C19orf67: variants seen among roughly 807,000 people sequenced by gnomAD.
C19orf67 encodes the protein UPF0575 protein C19orf67.
A neutral mutation model predicts 41.4 loss-of-function variants in C19orf67; 28 were observed. The observed-to-expected ratio is 0.68, with a 90% CI of 0.50 to 0.93. The LOEUF (loss-of-function observed/expected upper bound fraction) is 0.93, where lower values mean the gene tolerates loss of function less well. Among genes scored for constraint, C19orf67 ranks in the 40% least tolerant of loss-of-function variants. C19orf67 has a pLI of 0.00. For synonymous variants in C19orf67, 242 were observed against 203.4 expected (o/e 1.19, Z -1.62); for missense variants, 421 against 467.0 (o/e 0.90, Z 0.91).
chr19:14,082,048 A>G (rs1200077555), intron 5 of C19orf67, 40 bp from the exon 6 acceptor site: 9 of 1,429,902 alleles, frequency 6.3e-6, no homozygotes, highest in Non-Finnish European at 8.3e-6. Context: ...CCTGGACTTG[A>G]GTGCCCCCTG....
At chr19:14,085,243 C>T in intron 1 of C19orf67, 50 bp downstream of exon 1, 1 of 1,474,760 alleles carries the variant, frequency 6.8e-7, no homozygotes, top group Non-Finnish European at 9.2e-7. Flanking sequence ...CTGTCGCCTC[C>T]CCTCCAAGTC....
At chr19:14,084,603 C>T (rs1976825061) in intron 1 of C19orf67, among the ~76,000 whole-genome samples, 2 of 151,984 alleles carry the variant, frequency 1.3e-5, no homozygotes, top group South Asian at 2.1e-4. Context: ...GAGGCCAAGG[C>T]GGGTGGATCA....
rs1976842041 is a variant in C19orf67, at chr19:14,085,489, A to G, written c.139T>C (p.Ser47Pro). The G allele has an allele frequency of 6.5e-7, 1 of 1,535,324 alleles. No homozygotes were observed. Among genetic ancestry groups the G allele is most frequent in the African/African-American group, 1.4e-5 (1 of 73,002 alleles). Residue 47 changes from serine (S) to proline (P), a missense_variant, in exon 1 of 6, where the codon TCT (serine) becomes CCT (proline). Physicochemically the swap from Ser to Pro is moderately conservative, Grantham distance 74 (BLOSUM62 -1). Transcript: ENST00000548523. ...STPPGRPGNP[S>P]EPDPEDAEGR... is the part of the protein sequence containing the mutation. ...TCGGCATCTTCAGGATCCGGCTCAG[A>G]TGGGTTCCCAGGCCTGCCAGGGGGC...
chr19:14,081,782 T>TA lies in C19orf67; in HGVS notation c.*51dup. On this transcript the variant is annotated 3_prime_UTR_variant, in exon 6 of 6. Transcript: ENST00000548523. ...ACGAGTGAGCCCCTCCCCTGCCCCC[T>TA]ATTCTGGAGTTTGGAACTGTCAAGT... 1 of 1,303,886 alleles carries TA rather than the reference T, an allele frequency of 7.7e-7. No homozygotes were observed. The highest frequency in any genetic ancestry group is 1.5e-5 in the African/African-American group (1 of 65,574). The allele number at this position is 1,303,886 out of a possible 1,614,324, so 80.8% of individuals were successfully genotyped here.
In C19orf67 at chr19:14,085,616, C is replaced by A; in HGVS notation, c.12G>T (p.Glu4Asp). ...GGGGGAGCGACCCCTCGAACCACTG[C>A]TCTGTAGCCATGGTAGGGCCGGGGG... is the stretch of plus-strand genomic sequence containing the variant. MATEQWFEGSLPLD... is the reference protein window; with the variant it reads MATDQWFEGSLPLD... The change falls in exon 1 of 6, where the codon GAG becomes GAT. Residue 4 changes from glutamate to aspartate, a missense_variant. Glu to Asp is a conservative substitution (Grantham distance 45). Coordinates refer to ENST00000548523, the MANE Select transcript of C19orf67 (RefSeq NM_001277378.2). The A allele has an allele frequency of 6.5e-7, 1 of 1,534,012 alleles. No individual in the cohort carries two copies. The highest frequency in any genetic ancestry group is 8.7e-7 in the Non-Finnish European group (1 of 1,145,866).
chr19:14,083,135 C>T (rs1599321600), intron 4 of C19orf67, 102 bp downstream of exon 4: 12 of 1,046,044 alleles, frequency 1.1e-5, no homozygotes, highest in South Asian at 3.0e-5. Context: ...GCCACTGCCT[C>T]GGGCCCTGGC....
In C19orf67 at chr19:14,083,572, G is replaced by A. The variant is rs183496750; in HGVS notation, c.514C>T (p.Leu172=). ...GCGTACATGAGGACCAGCTGTTCCAGGCGCAGGGTCAGCTGTTGGGAGATC... is the reference window on the plus strand; with the variant it reads ...GCGTACATGAGGACCAGCTGTTCCAAGCGCAGGGTCAGCTGTTGGGAGATC... ...LEISQQLTLR[L]EQLVLMYASF... is the part of the protein sequence containing the mutation. The change falls in exon 3 of 6, where the codon CTG becomes TTG. Residue 172 remains leucine, a synonymous_variant. Transcript: ENST00000548523. 10 of 1,536,094 alleles carry A rather than the reference G, an allele frequency of 6.5e-6. No homozygotes were observed. In the African/African-American group the frequency reaches 1.2e-4, roughly 19 times the overall value.
At position 14,085,607 on chromosome 19, in the gene C19orf67, GAAC is replaced by G; in HGVS notation, c.18_20del (p.Trp6_Phe7delinsCys). On this transcript the variant is annotated inframe_deletion, in exon 1 of 6. Coordinates refer to ENST00000548523, the MANE Select transcript of C19orf67 (RefSeq NM_001277378.2). ...CAGGGTCCAGGGGGAGCGACCCCTC[GAAC>G]CACTGCTCTGTAGCCATGGTAGGGC... The G allele has an allele frequency of 6.5e-7, 1 of 1,534,504 alleles. No homozygotes were observed. Among genetic ancestry groups the G allele is most frequent in the Non-Finnish European group, 8.7e-7 (1 of 1,146,208 alleles).
chr19:14,085,310 C>T lies in C19orf67; in HGVS notation c.318G>A (p.Gln106=). 1.3e-6 allele frequency: 2 copies of T among 1,536,194 alleles called. No homozygotes were observed. The highest frequency in any genetic ancestry group is 1.7e-6 in the Non-Finnish European group (2 of 1,146,918). ...AGCATCACCTGTAGAGCAAGTAGCT[C>T]TGGAAATCATCTGCCTTCTTCAGTA... ...RYLLKKADDF[Q]SYLLYSRDQV... The change falls in exon 1 of 6, where the codon CAG becomes CAA. Residue 106 remains glutamine, a synonymous_variant. Coordinates refer to ENST00000548523, the MANE Select transcript of C19orf67 (RefSeq NM_001277378.2).
At position 14,083,732 on chromosome 19, in the gene C19orf67, C is replaced by A; in HGVS notation, c.480+1G>T. On this transcript the variant is annotated splice_donor_variant, in intron 2 of 5. Transcript: ENST00000548523. LOFTEE classifies it high-confidence loss of function. Reference sequence around the variant, plus strand: ...GTGGGGTCTAAGAAACCTCCACACACCCCCTTTCGGACCAGCTCCTGCAGG... The same window carrying A: ...GTGGGGTCTAAGAAACCTCCACACAACCCCTTTCGGACCAGCTCCTGCAGG... The A allele has an allele frequency of 3.4e-6, 5 of 1,453,928 alleles. No homozygotes were observed. The highest frequency in any genetic ancestry group is 4.5e-6 in the Non-Finnish European group (5 of 1,103,892). 90.1% of individuals were successfully genotyped at this position (1,453,928 alleles called of 1,614,324 possible).
intron 3 of C19orf67, 24 bp from the exon 4 acceptor site, chr19:14,083,446 G>C: frequency 6.5e-7 from 1 of 1,530,940 alleles, no homozygotes; most frequent in South Asian, 1.2e-5. Context: ...AGAGAATGGA[G>C]GGGTGAGGCT....
At position 14,083,892 on chromosome 19, in the gene C19orf67, G is replaced by A. The variant is rs1007753836; in HGVS notation, c.336-15C>T. On this transcript the variant is annotated splice_polypyrimidine_tract_variant and intron_variant, in intron 1 of 5. Transcript: ENST00000548523. Reference sequence around the variant, plus strand: ...CTTGGTCTCTGCTGAAGGAAGAAGGGGGCCTTTGCCTGGAATCCCTCACAA... The same window carrying A: ...CTTGGTCTCTGCTGAAGGAAGAAGGAGGCCTTTGCCTGGAATCCCTCACAA... 9 of 1,300,606 alleles carry A rather than the reference G, an allele frequency of 6.9e-6. No individual in the cohort carries two copies. Among genetic ancestry groups the A allele is most frequent in the Non-Finnish European group, 8.8e-6 (9 of 1,023,776 alleles). The allele number at this position is 1,300,606 out of a possible 1,614,324, so 80.6% of individuals were successfully genotyped here. A position where few individuals can be genotyped will look rare whatever the true frequency, so the allele number is the denominator to read the frequency against.
intron 5 of C19orf67, 29 bp downstream of exon 5, chr19:14,082,440 G>A (rs578249776): frequency 2.0e-6 from 3 of 1,508,242 alleles, no homozygotes; most frequent in Admixed American, 2.1e-5. Context: ...CAGCTCCCAG[G>A]CCCACGTTGC....
chr19:14,083,602 A>G lies in C19orf67; in HGVS notation c.484T>C (p.Leu162=). 6.5e-7 allele frequency: 1 copy of G among 1,535,986 alleles called. No individual in the cohort carries two copies. Among genetic ancestry groups the G allele is most frequent in the Non-Finnish European group, 8.7e-7 (1 of 1,146,826 alleles). ...AGGGTCAGCTGTTGGGAGATCTCTA[A>G]CAGCTGCATACAAGAGGGGGGTACA... The part of the protein sequence containing the change: ...PLQELVRKGL[L]EISQQLTLRL... Residue 162 remains leucine (L), a synonymous_variant, in exon 3 of 6, where the codon TTA becomes CTA. Transcript: ENST00000548523.
rs892190690 is a variant in C19orf67, at chr19:14,081,651, A to G, written c.*183T>C. The G allele has an allele frequency of 4.2e-5, 20 of 472,618 alleles. No homozygotes were observed. Among genetic ancestry groups the G allele is most frequent in the Non-Finnish European group, 7.4e-5 (20 of 271,608 alleles). 29.3% of individuals were successfully genotyped at this position (472,618 alleles called of 1,614,324 possible). On this transcript the variant is annotated 3_prime_UTR_variant, in exon 6 of 6. Coordinates refer to ENST00000548523, the MANE Select transcript of C19orf67 (RefSeq NM_001277378.2). ...CTCTTTCTTTCTTTTATTTAACACA[A>G]AACTGACGTGTCCGCATTCAGGGCC...
In C19orf67 at chr19:14,085,680, G is replaced by C; in HGVS notation, c.-53C>G. The C allele has an allele frequency of 7.3e-7, 1 of 1,378,498 alleles. No individual in the cohort carries two copies. Among genetic ancestry groups the C allele is most frequent in the Non-Finnish European group, 9.9e-7 (1 of 1,009,352 alleles). The allele number at this position is 1,378,498 out of a possible 1,614,324, so 85.4% of individuals were successfully genotyped here. A position where few individuals can be genotyped will look rare whatever the true frequency, so the allele number is the denominator to read the frequency against. ...CTCTTTAAGCTTCCGCTGCTGCTCA[G>C]GTTGGCCGCGGGTTCGACCCCGCCC... On this transcript the variant is annotated 5_prime_UTR_variant, in exon 1 of 6. Transcript: ENST00000548523.
Position 14,081,946 on chromosome 19 carries a change from G to C in C19orf67, c.965C>G (p.Pro322Arg). Residue 322 changes from proline (P) to arginine (R), a missense_variant, in exon 6 of 6, where the codon CCC becomes CGC. Transcript: ENST00000548523. ...QQLLTIGFEE[P>R]TPTLATDLLV... ...CAGGTCGGTGGCCAGCGTGGGCGTG[G>C]GCTCCTCGAAGCCGATGGTCAGCAG... 1 of 1,533,126 alleles carries C rather than the reference G, an allele frequency of 6.5e-7. No homozygotes were observed. Among genetic ancestry groups the C allele is most frequent in the Non-Finnish European group, 8.7e-7 (1 of 1,145,010 alleles). 95.0% of individuals were successfully genotyped at this position (1,533,126 alleles called of 1,614,324 possible). A position where few individuals can be genotyped will look rare whatever the true frequency, so the allele number is the denominator to read the frequency against.
At chr19:14,082,363 T>C in intron 5 of C19orf67, 106 bp downstream of exon 5, 1 of 1,273,050 alleles carries the variant, frequency 7.9e-7, no homozygotes, top group East Asian at 2.6e-5. Flanking sequence ...TAAAATGCTA[T>C]CACTACTAAG....
Position 14,081,706 on chromosome 19 carries a change from G to T in C19orf67, c.*128C>A, listed in dbSNP as rs1976769650. The T allele has an allele frequency of 7.8e-6, 6 of 770,134 alleles. No individual in the cohort carries two copies. Among genetic ancestry groups the T allele is most frequent in the African/African-American group, 5.5e-5 (3 of 54,498 alleles). The allele number at this position is 770,134 out of a possible 1,614,324, so 47.7% of individuals were successfully genotyped here. ...GGCCAAGCCGGACTCGGTGCAGACA[G>T]GTCAGCTCGGCCTGGCCCTTTGGAA... is the stretch of plus-strand genomic sequence containing the variant. On this transcript the variant is annotated 3_prime_UTR_variant, in exon 6 of 6. Coordinates refer to ENST00000548523, the MANE Select transcript of C19orf67 (RefSeq NM_001277378.2).
Sources: gnomAD v4.1 joint callset for allele counts (sites outside exome capture counted in the v4.1 genomes callset) on GRCh38, gnomAD v4.1.1 for gene constraint, MANE v1.5 for transcripts, NCBI Gene and HGNC (gene_info 2026-07-23, HGNC 2026-07-21) for gene names.